The following TTC6 variants were observed in gnomAD, a reference collection of about 807,000 sequenced individuals.
The protein encoded by TTC6 is tetratricopeptide repeat protein 6.
Under a neutral mutation model 210.4 loss-of-function variants are expected in TTC6, and 172 were observed. That is an observed-to-expected ratio of 0.82 (90% CI 0.72 to 0.93). The LOEUF (loss-of-function observed/expected upper bound fraction) is 0.93. Among genes scored for constraint, TTC6 ranks in the 40% least tolerant of loss-of-function variants. The pLI, the probability that TTC6 is intolerant of heterozygous loss-of-function variation, is 0.00. For missense variants in TTC6, 2,414 were observed against 2,318.1 expected, an observed-to-expected ratio of 1.04 and a Z score of -0.85; for synonymous variants, 804 against 819.6, an observed-to-expected ratio of 0.98 and a Z score of 0.32.
chr14:37,837,535 G>T lies in TTC6; in HGVS notation c.5299-3910G>T, dbSNP rs748156497. Reference sequence around the variant, plus strand: ...GAGGAAGCAAAGTTCATGGAGTATTGCCTAAAGGTGATGTTCCCTCTCCAT... The same window carrying T: ...GAGGAAGCAAAGTTCATGGAGTATTTCCTAAAGGTGATGTTCCCTCTCCAT... On this transcript the variant is annotated intron_variant, in intron 29 of 30. Coordinates refer to ENST00000553443, the Ensembl canonical transcript of TTC6. 24 of 379,494 alleles carry T rather than the reference G, an allele frequency of 6.3e-5. 2 individuals are homozygous for T. The highest frequency in any genetic ancestry group is 4.8e-4 in the South Asian group (24 of 49,858). 23.5% of individuals were successfully genotyped at this position (379,494 alleles called of 1,614,324 possible). A position where few individuals can be genotyped will look rare whatever the true frequency, so the allele number is the denominator to read the frequency against.
At position 37,601,057 on chromosome 14, in the gene TTC6, A is replaced by ATGTTGTAATTTT. The variant is rs1424419069; in HGVS notation, c.-235+5050_-235+5061dup. Among the ~76,000 whole-genome samples the ATGTTGTAATTTT allele has an allele frequency of 2.0e-5, 3 of 152,298 alleles. No individual in the cohort carries two copies. In the East Asian group the frequency reaches 5.8e-4, roughly 29 times the overall value. ...TGCAGGAACTCTGACCACTTTCTGA[A>ATGTTGTAATTTT]TGTTGTAATTTTGGTTGCCTACCAG... is the stretch of plus-strand genomic sequence containing the variant. On this transcript the variant is annotated intron_variant, in intron 1 of 2. Transcript: ENST00000556845.
intron 20 of TTC6, among the ~76,000 whole-genome samples, chr14:37,801,039 C>T (rs907225645): frequency 6.6e-6 from 1 of 152,122 alleles, no homozygotes. Context: ...AGCATTTGCC[C>T]AAATGTATTT....
chr14:37,784,391 T>C (rs561305723), intron 14 of TTC6, among the ~76,000 whole-genome samples: 2 of 152,308 alleles, frequency 1.3e-5, no homozygotes, highest in Admixed American at 1.3e-4. Context: ...TCCTTGTGTC[T>C]TTTGATCTTT....
exon 22 of TTC6, chr14:37,806,466 C>G: frequency 2.6e-6 from 4 of 1,535,032 alleles, no homozygotes; most frequent in Non-Finnish European, 3.5e-6. Flanking sequence ...TAGCTCGATT[C>G]TGGATTTTAA....
intron 14 of TTC6, among the ~76,000 whole-genome samples, chr14:37,779,049 C>T (rs545515712): frequency 9.9e-5 from 15 of 152,162 alleles, no homozygotes; most frequent in East Asian, 1.9e-4. Flanking sequence ...AGCTCTCTGC[C>T]AGCTTAAGTG....
intron 3 of TTC6, among the ~76,000 whole-genome samples, chr14:37,692,787 A>G (rs1045086202): frequency 2.6e-5 from 4 of 151,970 alleles, no homozygotes; most frequent in Non-Finnish European, 5.9e-5. Context: ...TGAACCTGGG[A>G]GGCAGAGGTT....
At chr14:37,758,135 G>A (rs2095973442) in intron 14 of TTC6, among the ~76,000 whole-genome samples, 1 of 152,196 alleles carries the variant, frequency 6.6e-6, no homozygotes, top group Admixed American at 6.5e-5. Context: ...GTGATGTGGT[G>A]CTGAGAAGAA....
exon 20 of TTC6, chr14:37,796,892 A>T (rs777552355): frequency 6.2e-7 from 1 of 1,610,272 alleles, no homozygotes. Flanking sequence ...AATAGAGCTG[A>T]GATGACCATG....
intron 1 of TTC6, among the ~76,000 whole-genome samples, chr14:37,669,213 A>G (rs2095753925): frequency 1.3e-5 from 2 of 152,196 alleles, no homozygotes; most frequent in Non-Finnish European, 1.5e-5. Context: ...TGTGAGCAAA[A>G]CCATGTTAGA....
In TTC6 at chr14:37,626,739, A is replaced by G. The variant is rs572173574; in HGVS notation, c.939+3736A>G. Among the ~76,000 whole-genome samples, 5 of 152,336 alleles carry G rather than the reference A, an allele frequency of 3.3e-5. No individual in the cohort carries two copies. In the South Asian group the frequency reaches 1.0e-3, roughly 32 times the overall value. ...CATACATAGGAATGCCAATGGTTAC[A>G]GCTAGAAAAATCTGCAACAAAAGCC... On this transcript the variant is annotated intron_variant, in intron 1 of 30. Coordinates refer to ENST00000553443, the Ensembl canonical transcript of TTC6.
intron 7 of TTC6, among the ~76,000 whole-genome samples, chr14:37,731,934 AT>A: frequency 6.6e-6 from 1 of 151,868 alleles, no homozygotes; most frequent in South Asian, 2.1e-4. Context: ...TGTATGCTTA[AT>A]TTTTTGCCAA....
At chr14:37,837,914 A>G (rs1279153645) in intron 29 of TTC6, among the ~76,000 whole-genome samples, 2 of 152,176 alleles carry the variant, frequency 1.3e-5, no homozygotes, top group African/African-American at 4.8e-5. Flanking sequence ...GAATTTTAAG[A>G]AGGAAGGAGA....
At chr14:37,740,325 T>C (rs1439976430) in intron 10 of TTC6, among the ~76,000 whole-genome samples, 2 of 152,168 alleles carry the variant, frequency 1.3e-5, no homozygotes, top group Admixed American at 1.3e-4. Flanking sequence ...ATGTGTTCAT[T>C]ATTAAGTATT....
intron 25 of TTC6, among the ~76,000 whole-genome samples, chr14:37,813,988 A>C (rs892799509): frequency 1.3e-5 from 2 of 152,220 alleles, no homozygotes; most frequent in Non-Finnish European, 2.9e-5. Context: ...TAGCTTTCCA[A>C]CTGGCTTAAG....
intron 1 of TTC6, among the ~76,000 whole-genome samples, chr14:37,676,312 C>T (rs2095769288): frequency 6.6e-6 from 1 of 151,962 alleles, no homozygotes. Context: ...TCCTTTGAAG[C>T]TTCTTTCTGT....
Position 37,749,418 on chromosome 14 carries a change from C to G in TTC6, c.2826+17C>G, listed in dbSNP as rs1261680504. ...CTGCAGAGAGTAAGTTTTCTTTAAC[C>G]AAAATAGTAATATTCACCATTTACA... On this transcript the variant is annotated intron_variant, in intron 11 of 30. Coordinates refer to ENST00000553443, the Ensembl canonical transcript of TTC6. 1 of 1,394,566 alleles carries G rather than the reference C, an allele frequency of 7.2e-7. No individual in the cohort carries two copies. The highest frequency in any genetic ancestry group is 1.8e-5 in the South Asian group (1 of 55,440). 86.4% of individuals were successfully genotyped at this position (1,394,566 alleles called of 1,614,324 possible).
chr14:37,795,417 T>C (rs1325406661), intron 18 of TTC6, 65 bp downstream of exon 20: 1 of 1,101,766 alleles, frequency 9.1e-7, no homozygotes, highest in Non-Finnish European at 1.3e-6. Context: ...AATGGGGATC[T>C]TCAGTTCCCT....
intron 1 of TTC6, among the ~76,000 whole-genome samples, chr14:37,658,369 T>TGGAACCAACCCTCAGGGTTTGTTCCAACC: frequency 6.6e-6 from 1 of 152,206 alleles, no homozygotes; most frequent in South Asian, 2.1e-4. Context: ...ATCAGGGTTT[T>TGGAACCAACCCTCAGGGTTTGTTCCAACC]CTCTTTGGAA....
At chr14:37,773,585 C>A (rs2096027582) in intron 14 of TTC6, among the ~76,000 whole-genome samples, 1 of 152,224 alleles carries the variant, frequency 6.6e-6, no homozygotes, top group Non-Finnish European at 1.5e-5. Context: ...GGTATTATTT[C>A]TGGGCTTTTT....
Sources: allele counts gnomAD v4.1 joint callset (sites outside exome capture counted in the v4.1 genomes callset), GRCh38; gene constraint gnomAD v4.1.1; transcripts MANE v1.5; gene names NCBI Gene and HGNC (gene_info 2026-07-23, HGNC 2026-07-21).